STMP1: variants seen among roughly 807,000 people sequenced by gnomAD.
STMP1 encodes short transmembrane mitochondrial protein 1, also known as mitolamban.
In STMP1, 7 loss-of-function variants were observed where a neutral mutation model predicts 7.0. The observed-to-expected ratio is 1.01, with a 90% CI of 0.57 to 1.89. The LOEUF (loss-of-function observed/expected upper bound fraction) is 1.89, where lower values mean the gene tolerates loss of function less well. STMP1 is among the 40% of genes most tolerant of loss of function. The probability of loss-of-function intolerance (pLI) is 0.00; values close to 1 mark genes in which losing one functional copy is unlikely to be tolerated. For missense variants in STMP1, 45 were observed against 53.0 expected (o/e 0.85, Z 0.47); for synonymous variants, 19 against 18.4 (o/e 1.03, Z -0.08).
chr7:135,664,038 CAA>C lies in STMP1; in HGVS notation c.15+1447_15+1448del, dbSNP rs137929138. 2.6e-3 allele frequency among the ~76,000 whole-genome samples: 402 copies of C among 152,348 alleles called. 5 individuals carry two copies. Among genetic ancestry groups the C allele is most frequent in the African/African-American group, 9.3e-3 (387 of 41,584 alleles). ...TAATGGATTGTTAAATCCAATTAGT[CAA>C]AAGAGTGTCCTTAATCTGCCCAGCT... On this transcript the variant is annotated intron_variant, in intron 1 of 2. Coordinates refer to ENST00000507606, the MANE Select transcript of STMP1 (RefSeq NM_001130929.2).
chr7:135,668,185 C>T lies in STMP1; in HGVS notation c.16-4568C>T, dbSNP rs184147473. 4.6e-5 allele frequency among the ~76,000 whole-genome samples: 7 copies of T among 152,234 alleles called. No homozygotes were observed. The East Asian group carries it at 1.2e-3, about 25-fold the overall frequency. On this transcript the variant is annotated intron_variant, in intron 1 of 2. Coordinates refer to ENST00000507606, the MANE Select transcript of STMP1 (RefSeq NM_001130929.2). ...ATTGATCTTTATTGATCAATAGAAACAATTCAGTCTTCTTTCCTTGCCACC... is the reference window on the plus strand; with the variant it reads ...ATTGATCTTTATTGATCAATAGAAATAATTCAGTCTTCTTTCCTTGCCACC...
rs1038051733 is a variant in STMP1, at chr7:135,669,703, A to C, written c.16-3050A>C. On this transcript the variant is annotated intron_variant, in intron 1 of 2. Transcript: ENST00000507606. ...TAGCACTTTGTAATCTAAATGTATT[A>C]AAATTTTTGGTGTGAGACATATTCT... is the stretch of plus-strand genomic sequence containing the variant. 4.6e-5 allele frequency among the ~76,000 whole-genome samples: 7 copies of C among 152,358 alleles called. 1 individual carries two copies. Among genetic ancestry groups the C allele is most frequent in the Admixed American group, 1.3e-4 (2 of 15,298 alleles).
chr7:135,665,944 C>CA (rs1795286760), intron 1 of STMP1, among the ~76,000 whole-genome samples: 1 of 151,744 alleles, frequency 6.6e-6, no homozygotes, highest in South Asian at 2.1e-4. Context: ...CTCTGTCACC[C>CA]AGGCTGGAGT....
intron 1 of STMP1, 76 bp from the exon 2 acceptor site, chr7:135,672,677 C>A: frequency 9.6e-7 from 1 of 1,045,784 alleles, no homozygotes; most frequent in South Asian, 1.4e-5. Context: ...AAGATATTGT[C>A]TATGTATTTT....
chr7:135,664,528 A>T (rs573106685), intron 1 of STMP1, among the ~76,000 whole-genome samples: 42 of 149,190 alleles, frequency 2.8e-4, no homozygotes, highest in Admixed American at 8.0e-4. Context: ...TAATTTTAAA[A>T]TTTTTTTTTT....
intron 1 of STMP1, among the ~76,000 whole-genome samples, chr7:135,667,882 G>A (rs550253458): frequency 2.0e-5 from 3 of 151,900 alleles, no homozygotes; most frequent in Admixed American, 6.6e-5. Context: ...GAAGGTTTAC[G>A]CCTATGATTT....
intron 1 of STMP1, among the ~76,000 whole-genome samples, chr7:135,669,751 G>T (rs1177032587): frequency 1.3e-5 from 2 of 152,188 alleles, no homozygotes; most frequent in East Asian, 3.8e-4. Flanking sequence ...TCTAAGGCAG[G>T]ATCCTATATT....
At chr7:135,664,344 A>ATTTTTTT (rs767469164) in intron 1 of STMP1, among the ~76,000 whole-genome samples, 4 of 114,988 alleles carry the variant, frequency 3.5e-5, no homozygotes, top group African/African-American at 9.9e-5. Flanking sequence ...CTGTGTGTTA[A>ATTTTTTT]TTTTTTTTTT....
rs919490427 is a variant in STMP1 at position 135,667,803 on chromosome 7, A to AT, written c.16-4939dup. Among the ~76,000 whole-genome samples, 115 of 144,326 alleles carry AT rather than the reference A, an allele frequency of 8.0e-4. 1 individual carries two copies. Among genetic ancestry groups the AT allele is most frequent in the African/African-American group, 2.4e-3 (95 of 39,560 alleles). 94.7% of individuals were successfully genotyped at this position (144,326 alleles called of 152,430 possible). On this transcript the variant is annotated intron_variant, in intron 1 of 2. Transcript: ENST00000507606. The stretch of plus-strand genomic sequence containing the variant: ...ATATTTTTAATTTTGATGAAGTCCA[A>AT]TTTTTTTTTTTGGTTACTTGTACTT...
At chr7:135,669,170 TC>T (rs1795332501) in intron 1 of STMP1, among the ~76,000 whole-genome samples, 1 of 151,630 alleles carries the variant, frequency 6.6e-6, no homozygotes, top group East Asian at 1.9e-4. Flanking sequence ...TTCAGTTACC[TC>T]CCACTTGGTC....
At chr7:135,663,845 C>G (rs1369985068) in intron 1 of STMP1, among the ~76,000 whole-genome samples, 2 of 152,070 alleles carry the variant, frequency 1.3e-5, no homozygotes, top group East Asian at 3.9e-4. Context: ...GGGGTTTCAC[C>G]CCGTTGGCCG....
chr7:135,666,929 T>C (rs897564666), intron 1 of STMP1, among the ~76,000 whole-genome samples: 3 of 152,242 alleles, frequency 2.0e-5, no homozygotes, highest in Non-Finnish European at 2.9e-5. Context: ...TGCTCAACTT[T>C]TTGAGGAACT....
chr7:135,663,084 C>G (rs1001374413), intron 1 of STMP1, among the ~76,000 whole-genome samples: 1 of 152,198 alleles, frequency 6.6e-6, no homozygotes, highest in Non-Finnish European at 1.5e-5. Context: ...AGGCTAAGTC[C>G]TCATCAGACC....
chr7:135,674,426 TTAG>T lies in STMP1; in HGVS notation c.*264_*266del. The T allele has an allele frequency of 2.7e-6, 1 of 375,606 alleles. No homozygotes were observed. The allele number at this position is 375,606 out of a possible 1,614,324, so 23.3% of individuals were successfully genotyped here. A position where few individuals can be genotyped will look rare whatever the true frequency, so the allele number is the denominator to read the frequency against. ...CTAAGACTGGAATTATGGTGCTAGA[TTAG>T]TAAACATGACTTTTAATGAGTAGTG... On this transcript the variant is annotated 3_prime_UTR_variant, in exon 3 of 3. Coordinates refer to ENST00000507606, the MANE Select transcript of STMP1 (RefSeq NM_001130929.2).
At chr7:135,663,228 A>G (rs553100679) in intron 1 of STMP1, among the ~76,000 whole-genome samples, 3 of 152,364 alleles carry the variant, frequency 2.0e-5, no homozygotes, top group East Asian at 1.9e-4. Flanking sequence ...AAAACTCGGT[A>G]TATTTCAAAA....
chr7:135,672,758 A>G lies in STMP1; in HGVS notation c.21A>G (p.Gly7=). The part of the protein sequence containing the change: MLQFLL[G]FTLGNVVGMY... ...TTACTGTTCTATTTTTTCAGCTTGG[A>G]TTTACACTGGGCAACGTGGTTGGAA... The change falls in exon 2 of 3, where the codon GGA becomes GGG. Residue 7 remains glycine, a synonymous_variant. Coordinates refer to ENST00000507606, the MANE Select transcript of STMP1 (RefSeq NM_001130929.2). 1 of 1,551,322 alleles carries G rather than the reference A, an allele frequency of 6.4e-7. No individual in the cohort carries two copies. The highest frequency in any genetic ancestry group is 8.7e-7 in the Non-Finnish European group (1 of 1,146,752).
intron 1 of STMP1, among the ~76,000 whole-genome samples, chr7:135,671,961 C>G (rs1584706916): frequency 6.6e-6 from 1 of 152,126 alleles, no homozygotes; most frequent in Non-Finnish European, 1.5e-5. Context: ...TCTCTGAGAT[C>G]CTATGATTTG....
At chr7:135,667,357 G>A (rs960551417) in intron 1 of STMP1, among the ~76,000 whole-genome samples, 5 of 152,170 alleles carry the variant, frequency 3.3e-5, no homozygotes, top group South Asian at 4.2e-4. Flanking sequence ...GACTACAGGC[G>A]TCCACCACCA....
chr7:135,674,002 T>C (rs559104945), intron 2 of STMP1, 89 bp from the exon 3 acceptor site: 1 of 824,750 alleles, frequency 1.2e-6, no homozygotes, highest in South Asian at 1.8e-5. Flanking sequence ...GATAAAAGCT[T>C]GTAAAACCAT....
Sources: gnomAD v4.1 joint callset for allele counts (sites outside exome capture counted in the v4.1 genomes callset) on GRCh38, gnomAD v4.1.1 for gene constraint, MANE v1.5 for transcripts, NCBI Gene and HGNC (gene_info 2026-07-23, HGNC 2026-07-21) for gene names.